Variants in UGT1A8 observed in about 807,000 individuals in gnomAD.
UGT1A8 encodes the protein UDP-glucuronosyltransferase 1A8.
A neutral mutation model predicts 45.3 loss-of-function variants in UGT1A8; 39 were observed. That is an observed-to-expected ratio of 0.86 (90% CI 0.67 to 1.12). The LOEUF (loss-of-function observed/expected upper bound fraction) is 1.12, where lower values mean the gene tolerates loss of function less well. UGT1A8 is among the 50% of genes most tolerant of loss of function. The probability of loss-of-function intolerance (pLI) is 0.00; values close to 1 mark genes in which losing one functional copy is unlikely to be tolerated. For synonymous variants in UGT1A8, 275 were observed against 249.2 expected (o/e 1.10, Z -0.97); for missense variants, 719 against 664.9 (o/e 1.08, Z -0.90).
chr2:233,723,506 G>T (rs2077088839), intron 1 of UGT1A8, among the ~76,000 whole-genome samples: 1 of 130,702 alleles, frequency 7.7e-6, no homozygotes, highest in Non-Finnish European at 1.6e-5. Context: ...CACTGCACCT[G>T]GTCAACAATC....
chr2:233,715,167 C>T (rs767247099), intron 1 of UGT1A8, among the ~76,000 whole-genome samples: 6 of 152,042 alleles, frequency 3.9e-5, no homozygotes, highest in Non-Finnish European at 7.4e-5. Flanking sequence ...ATTACAGGCG[C>T]GAGCCACCAC....
At chr2:233,707,732 A>G (rs1475890268) in intron 1 of UGT1A8, among the ~76,000 whole-genome samples, 1 of 152,222 alleles carries the variant, frequency 6.6e-6, no homozygotes, top group East Asian at 1.9e-4. Flanking sequence ...GTTACAACGA[A>G]CATTCTTTTA....
At chr2:233,667,755 T>C (rs1280993352) in intron 1 of UGT1A8, among the ~76,000 whole-genome samples, 2 of 152,162 alleles carry the variant, frequency 1.3e-5, no homozygotes, top group Non-Finnish European at 2.9e-5. Flanking sequence ...AGAAGACATT[T>C]ATGCAGCCAA....
chr2:233,729,169 G>T (rs770212311), intron 1 of UGT1A8: 2 of 1,613,626 alleles, frequency 1.2e-6, no homozygotes, highest in African/African-American at 2.7e-5. Context: ...GCTGGCCACA[G>T]GACTGCTGCT....
chr2:233,627,624 T>TCTTCCTTCCTTCCTTCCTTCCTTC (rs4047191), intron 1 of UGT1A8, among the ~76,000 whole-genome samples: 38 of 112,018 alleles, frequency 3.4e-4, no homozygotes, highest in African/African-American at 5.6e-4. Flanking sequence ...TTCCTTCCTT[T>TCTTCCTTCCTTCCTTCCTTCCTTC]CTTCCTTCCT....
At chr2:233,636,555 T>G in intron 1 of UGT1A8, 1 of 1,614,156 alleles carries the variant, frequency 6.2e-7, no homozygotes, top group South Asian at 1.1e-5. Context: ...GCCCCGTTCC[T>G]TTATGTGTGT....
intron 4 of UGT1A8, 101 bp from the exon 5 acceptor site, chr2:233,772,161 T>C: frequency 6.4e-7 from 1 of 1,566,196 alleles, no homozygotes; most frequent in Non-Finnish European, 8.7e-7. Context: ...CTTTCCCAAG[T>C]TTGGAAAATC....
In UGT1A8 at chr2:233,760,202, A is replaced by ACAT. The variant is rs1697345011; in HGVS notation, c.856-6831_856-6829dup. ...TTTTATAGTCACGTGACACAGTCAA[A>ACAT]CATTAACTTGGTGTATCGATTGGTT... is the stretch of plus-strand genomic sequence containing the variant. On this transcript the variant is annotated intron_variant, in intron 1 of 4. Transcript: ENST00000373450. The ACAT allele has an allele frequency of 2.7e-5, 43 of 1,583,728 alleles. No homozygotes were observed. In the South Asian group the frequency reaches 4.6e-4, roughly 17 times the overall value.
intron 1 of UGT1A8, among the ~76,000 whole-genome samples, chr2:233,618,931 G>A (rs1297931668): frequency 6.6e-6 from 1 of 151,724 alleles, no homozygotes; most frequent in East Asian, 1.9e-4. Flanking sequence ...ATTAAAAAAA[G>A]TATTTTAGGT....
At chr2:233,666,998 C>T (rs1406884647) in intron 1 of UGT1A8, among the ~76,000 whole-genome samples, 3 of 152,122 alleles carry the variant, frequency 2.0e-5, no homozygotes, top group Admixed American at 6.5e-5. Flanking sequence ...TTTATGGCTG[C>T]ATAGTATTCC....
chr2:233,736,451 C>T (rs1167369178), intron 1 of UGT1A8, among the ~76,000 whole-genome samples: 3 of 152,120 alleles, frequency 2.0e-5, no homozygotes, highest in Non-Finnish European at 2.9e-5. Context: ...GCAATAGGTT[C>T]GAACATGCAC....
At chr2:233,644,373 G>A (rs936797499) in intron 1 of UGT1A8, among the ~76,000 whole-genome samples, 2 of 152,108 alleles carry the variant, frequency 1.3e-5, no homozygotes, top group Admixed American at 1.3e-4. Flanking sequence ...TTTGAGACCA[G>A]CCTGGCCAAC....
chr2:233,699,343 G>A (rs2075499998), intron 1 of UGT1A8, among the ~76,000 whole-genome samples: 2 of 152,144 alleles, frequency 1.3e-5, no homozygotes. Flanking sequence ...CCACCCTAGG[G>A]CTAACCTCTT....
chr2:233,647,918 A>G (rs2073643527), intron 1 of UGT1A8: 3 of 1,597,802 alleles, frequency 1.9e-6, no homozygotes, highest in African/African-American at 1.3e-5. Context: ...GGGAAGGTAG[A>G]TCACTCACTG....
chr2:233,718,433 A>G (rs571476124), intron 1 of UGT1A8, among the ~76,000 whole-genome samples: 1 of 152,326 alleles, frequency 6.6e-6, no homozygotes, highest in East Asian at 1.9e-4. Flanking sequence ...GTGGTTGGGG[A>G]CTAGGGCAAT....
intron 1 of UGT1A8, among the ~76,000 whole-genome samples, chr2:233,622,910 G>T (rs534961630): frequency 6.6e-6 from 1 of 152,158 alleles, no homozygotes; most frequent in Non-Finnish European, 1.5e-5. Flanking sequence ...TCTATAAGGT[G>T]TAAGAAGGGA....
intron 1 of UGT1A8, chr2:233,672,376 G>A (rs767982435): frequency 1.1e-5 from 17 of 1,613,854 alleles, no homozygotes; most frequent in Admixed American, 1.0e-4. Flanking sequence ...AGTGTTTCTC[G>A]ATCCTTTTGA....
At chr2:233,680,059 C>T (rs920463350) in intron 1 of UGT1A8, among the ~76,000 whole-genome samples, 10 of 151,838 alleles carry the variant, frequency 6.6e-5, no homozygotes, top group African/African-American at 2.4e-4. Context: ...TTGCAATGGT[C>T]CTTATCTATC....
intron 1 of UGT1A8, among the ~76,000 whole-genome samples, chr2:233,674,383 A>AC (rs1436721914): frequency 6.6e-6 from 1 of 152,122 alleles, no homozygotes; most frequent in Admixed American, 6.6e-5. Flanking sequence ...TCTCCCCTTT[A>AC]CCCTCCATAA....
Sources: gnomAD v4.1 joint callset for allele counts (sites outside exome capture counted in the v4.1 genomes callset) on GRCh38, gnomAD v4.1.1 for gene constraint, MANE v1.5 for transcripts, NCBI Gene and HGNC (gene_info 2026-07-23, HGNC 2026-07-21) for gene names.